ZNF804B: variants seen among roughly 807,000 people sequenced by gnomAD.
The protein encoded by ZNF804B is zinc finger protein 804B, also known as zinc finger 804B.
In ZNF804B, 80 loss-of-function variants were observed where a neutral mutation model predicts 101.4. That is an observed-to-expected ratio of 0.79 (90% confidence interval 0.66 to 0.95). The LOEUF (loss-of-function observed/expected upper bound fraction) is 0.95, where lower values mean the gene tolerates loss of function less well. ZNF804B is among the 40% of genes least tolerant of loss of function. ZNF804B has a pLI of 0.00. For synonymous variants in ZNF804B, 622 were observed against 558.8 expected, an observed-to-expected ratio of 1.11 and a Z score of -1.59; for missense variants, 1,673 against 1,561.9, an observed-to-expected ratio of 1.07 and a Z score of -1.20.
chr7:89,202,996 T>C (rs1235706261), intron 1 of ZNF804B, among the ~76,000 whole-genome samples: 3 of 151,996 alleles, frequency 2.0e-5, no homozygotes, highest in Non-Finnish European at 2.9e-5. Context: ...TTTAGACTAG[T>C]TCTCTACACA....
intron 1 of ZNF804B, among the ~76,000 whole-genome samples, chr7:88,816,560 C>G (rs62462045): frequency 0.04 from 6,104 of 151,362 alleles, 160 homozygotes; most frequent in Non-Finnish European, 0.052. Context: ...ACCCCATCAA[C>G]AAGTGGGCAA....
intron 1 of ZNF804B, among the ~76,000 whole-genome samples, chr7:88,939,597 TA>T (rs1440794025): frequency 6.6e-6 from 1 of 151,860 alleles, no homozygotes; most frequent in African/African-American, 2.4e-5. Context: ...ACAATGAATA[TA>T]AACAAATTCT....
chr7:88,974,005 T>G (rs2116117519), intron 1 of ZNF804B, among the ~76,000 whole-genome samples: 1 of 151,510 alleles, frequency 6.6e-6, no homozygotes, highest in South Asian at 2.1e-4. Context: ...AGTCTCACAC[T>G]TAGTACAATT....
At position 88,801,874 on chromosome 7, in the gene ZNF804B, A is replaced by G. The variant is rs1291950018; in HGVS notation, c.108+41790A>G. 6.6e-5 allele frequency among the ~76,000 whole-genome samples: 10 copies of G among 152,158 alleles called. 1 individual carries two copies. Among genetic ancestry groups the G allele is most frequent in the Non-Finnish European group, 1.5e-4 (10 of 68,024 alleles). ...GAAAAATAGTTATTCACTGAAACGA[A>G]TAGCATAATATGAAAAATTATAGAT... On this transcript the variant is annotated intron_variant, in intron 1 of 3. Coordinates refer to ENST00000333190, the MANE Select transcript of ZNF804B (RefSeq NM_181646.5).
chr7:88,773,423 G>A (rs1161612321), intron 1 of ZNF804B, among the ~76,000 whole-genome samples: 1 of 152,194 alleles, frequency 6.6e-6, no homozygotes, highest in African/African-American at 2.4e-5. Context: ...CTGTCAGTCA[G>A]TCAATCAATC....
intron 2 of ZNF804B, among the ~76,000 whole-genome samples, chr7:89,270,945 G>A (rs573471068): frequency 1.8e-3 from 279 of 152,096 alleles, no homozygotes; most frequent in South Asian, 0.01. Context: ...GAAGTTGCTT[G>A]TCAGCTTAAG....
intron 1 of ZNF804B, among the ~76,000 whole-genome samples, chr7:88,919,581 G>C (rs1485354480): frequency 6.6e-6 from 1 of 152,000 alleles, no homozygotes; most frequent in East Asian, 1.9e-4. Context: ...TTTTTGACTT[G>C]TTATTTTGGC....
At chr7:88,810,208 C>CT (rs565825942) in intron 1 of ZNF804B, among the ~76,000 whole-genome samples, 17 of 147,926 alleles carry the variant, frequency 1.1e-4, no homozygotes, top group South Asian at 6.5e-4. Flanking sequence ...CACAGTCATG[C>CT]TTTTTTTTTT....
chr7:89,194,453 A>G (rs993969751), intron 1 of ZNF804B, among the ~76,000 whole-genome samples: 3 of 151,156 alleles, frequency 2.0e-5, no homozygotes, highest in African/African-American at 4.9e-5. Flanking sequence ...TAGATCTAAC[A>G]TTTAAGTCTT....
chr7:89,134,956 C>T (rs1236147876), intron 1 of ZNF804B, among the ~76,000 whole-genome samples: 2 of 151,992 alleles, frequency 1.3e-5, no homozygotes, highest in East Asian at 3.9e-4. Context: ...TGACCTTACT[C>T]CTTTCAATAA....
chr7:89,116,468 G>A (rs1437733509), intron 1 of ZNF804B, among the ~76,000 whole-genome samples: 5 of 152,152 alleles, frequency 3.3e-5, no homozygotes, highest in South Asian at 4.1e-4. Flanking sequence ...CTCAGACAGC[G>A]TGTTTTGAGT....
intron 2 of ZNF804B, among the ~76,000 whole-genome samples, chr7:89,219,402 C>CA (rs1353171467): frequency 6.7e-6 from 1 of 149,804 alleles, no homozygotes; most frequent in African/African-American, 2.5e-5. Flanking sequence ...AACAGGCAAA[C>CA]AAAAAATCCA....
At chr7:89,034,414 C>T (rs56343928) in intron 1 of ZNF804B, among the ~76,000 whole-genome samples, 69,247 of 151,616 alleles carry the variant, frequency 0.46, 16,390 homozygotes, top group Non-Finnish European at 0.52. Context: ...CCCTACCCCC[C>T]GCCAGGCCCT....
chr7:88,763,568 A>T (rs55825523), intron 1 of ZNF804B, among the ~76,000 whole-genome samples: 4 of 151,986 alleles, frequency 2.6e-5, no homozygotes, highest in African/African-American at 9.7e-5. Context: ...AGTAAAAAAA[A>T]AAAAGAAAAA....
intron 1 of ZNF804B, among the ~76,000 whole-genome samples, chr7:88,981,278 G>GT (rs1477480141): frequency 1.3e-5 from 2 of 152,060 alleles, no homozygotes; most frequent in African/African-American, 4.8e-5. Flanking sequence ...CTGGCCCATG[G>GT]TGTGTCCAGA....
At chr7:89,172,537 T>C (rs562797846) in intron 1 of ZNF804B, among the ~76,000 whole-genome samples, 9 of 152,344 alleles carry the variant, frequency 5.9e-5, no homozygotes, top group Middle Eastern at 3.4e-3. Flanking sequence ...TTTTACTAAC[T>C]GTACAGCCAC....
intron 1 of ZNF804B, among the ~76,000 whole-genome samples, chr7:88,787,756 C>A (rs1790323442): frequency 6.6e-6 from 1 of 152,116 alleles, no homozygotes; most frequent in Non-Finnish European, 1.5e-5. Context: ...AGTTGTAGAA[C>A]CCGGTTTCAG....
chr7:88,816,696 C>T (rs564274446), intron 1 of ZNF804B, among the ~76,000 whole-genome samples: 1 of 143,668 alleles, frequency 7.0e-6, no homozygotes, highest in Admixed American at 7.2e-5. Flanking sequence ...CCATCTCACA[C>T]CAGTTAGAAT....
intron 1 of ZNF804B, among the ~76,000 whole-genome samples, chr7:88,866,522 C>T (rs957645232): frequency 1.3e-5 from 2 of 152,066 alleles, no homozygotes; most frequent in African/African-American, 2.4e-5. Flanking sequence ...CTAATCTAGT[C>T]GTGTGAAGAG....
Sources: allele counts gnomAD v4.1 joint callset (sites outside exome capture counted in the v4.1 genomes callset), GRCh38; gene constraint gnomAD v4.1.1; transcripts MANE v1.5; gene names NCBI Gene and HGNC (gene_info 2026-07-23, HGNC 2026-07-21).